Variants in SLC35D4 observed in about 807,000 individuals in gnomAD.
SLC35D4 encodes solute carrier family 35 member D4, also known as UDP-N-acetylglucosamine transporter SLC35D4.
chr18:23,301,408 A>T, the SLC35D4 span, among the ~76,000 whole-genome samples: 1 of 152,120 alleles, frequency 6.6e-6, no homozygotes, highest in Non-Finnish European at 1.5e-5. Flanking sequence ...CCCTAAATTC[A>T]TTCTTTCTAT....
the SLC35D4 span, among the ~76,000 whole-genome samples, chr18:23,345,841 AG>A: frequency 6.6e-6 from 1 of 152,176 alleles, no homozygotes; most frequent in Non-Finnish European, 1.5e-5. Context: ...CCTCTCAAAA[AG>A]GTTTTATAGT....
At chr18:23,348,183 AT>A in the SLC35D4 span, among the ~76,000 whole-genome samples, 1 of 152,304 alleles carries the variant, frequency 6.6e-6, no homozygotes, top group East Asian at 1.9e-4. Flanking sequence ...TAATTCTGCT[AT>A]GGTCAGAGAA....
At chr18:23,357,223 T>G in the SLC35D4 span, among the ~76,000 whole-genome samples, 8 of 152,202 alleles carry the variant, frequency 5.3e-5, no homozygotes, top group Middle Eastern at 3.2e-3. Context: ...TTATGTTTAA[T>G]GACTGCAAGA....
chr18:23,432,384 T>C, the SLC35D4 span, among the ~76,000 whole-genome samples: 2 of 152,046 alleles, frequency 1.3e-5, no homozygotes, highest in African/African-American at 2.4e-5. Context: ...ATGAGGTTCT[T>C]GAGGAAAGAG....
the SLC35D4 span, chr18:23,254,012 A>T: frequency 8.0e-7 from 1 of 1,248,364 alleles, no homozygotes; most frequent in Non-Finnish European, 1.2e-6. Flanking sequence ...GGATTCGGTC[A>T]GTGACCCTGC....
chr18:23,369,307 C>A, the SLC35D4 span, among the ~76,000 whole-genome samples: 1 of 152,220 alleles, frequency 6.6e-6, no homozygotes, highest in African/African-American at 2.4e-5. Flanking sequence ...TCCCTTCAGA[C>A]CTTTTCTCTT....
chr18:23,310,906 T>C, the SLC35D4 span, among the ~76,000 whole-genome samples: 1 of 152,016 alleles, frequency 6.6e-6, no homozygotes, highest in African/African-American at 2.4e-5. Flanking sequence ...AAAACCTTGA[T>C]TACAAAAAAA....
At chr18:23,401,437 C>T in the SLC35D4 span, among the ~76,000 whole-genome samples, 3 of 152,198 alleles carry the variant, frequency 2.0e-5, no homozygotes, top group Admixed American at 6.5e-5. Flanking sequence ...TAGATGTCAG[C>T]ACCCCCAACC....
the SLC35D4 span, among the ~76,000 whole-genome samples, chr18:23,268,686 A>T: frequency 6.6e-6 from 1 of 152,140 alleles, no homozygotes; most frequent in African/African-American, 2.4e-5. Flanking sequence ...CTAGGATGGG[A>T]CTAGACGTTC....
chr18:23,265,925 T>C, the SLC35D4 span, among the ~76,000 whole-genome samples: 1 of 152,192 alleles, frequency 6.6e-6, no homozygotes, highest in Middle Eastern at 3.2e-3. Flanking sequence ...CTAAGCCAGA[T>C]ACCATGTTCC....
the SLC35D4 span, among the ~76,000 whole-genome samples, chr18:23,327,432 A>G: frequency 1.3e-5 from 2 of 152,236 alleles, no homozygotes; most frequent in Non-Finnish European, 2.9e-5. Context: ...CTCTACGCAA[A>G]TAAACTAGAA....
chr18:23,288,244 C>T, the SLC35D4 span, among the ~76,000 whole-genome samples: 5 of 152,170 alleles, frequency 3.3e-5, no homozygotes, highest in African/African-American at 9.7e-5. Flanking sequence ...CCTGGTTTAT[C>T]GATGGCAGTT....
chr18:23,244,574 G>A, the SLC35D4 span, among the ~76,000 whole-genome samples: 2 of 152,216 alleles, frequency 1.3e-5, no homozygotes, highest in African/African-American at 2.4e-5. Flanking sequence ...GAGGGCCACC[G>A]TTGCTTAATT....
chr18:23,239,353 G>A, the SLC35D4 span, among the ~76,000 whole-genome samples: 3 of 152,218 alleles, frequency 2.0e-5, no homozygotes, highest in Non-Finnish European at 1.5e-5. Context: ...TTTCCTGGTC[G>A]GCTCCTGGAG....
chr18:23,361,267 A>G, the SLC35D4 span, among the ~76,000 whole-genome samples: 1 of 152,190 alleles, frequency 6.6e-6, no homozygotes, highest in Non-Finnish European at 1.5e-5. Context: ...TAACTGGAGC[A>G]GCAGGGAACC....
the SLC35D4 span, among the ~76,000 whole-genome samples, chr18:23,429,092 T>C: frequency 5.3e-5 from 8 of 152,252 alleles, no homozygotes; most frequent in Admixed American, 3.9e-4. Context: ...CAATCCACTG[T>C]TGATGGGCAC....
At chr18:23,431,773 G>T in the SLC35D4 span, among the ~76,000 whole-genome samples, 1 of 152,088 alleles carries the variant, frequency 6.6e-6, no homozygotes, top group Non-Finnish European at 1.5e-5. Flanking sequence ...CTTTATGAGT[G>T]AAGGAATTGT....
At chr18:23,281,011 A>C in the SLC35D4 span, among the ~76,000 whole-genome samples, 1 of 152,154 alleles carries the variant, frequency 6.6e-6, no homozygotes, top group African/African-American at 2.4e-5. Context: ...CCACTTAAAA[A>C]CCTCAGCCTA....
At chr18:23,317,598 G>C in the SLC35D4 span, among the ~76,000 whole-genome samples, 1 of 152,118 alleles carries the variant, frequency 6.6e-6, no homozygotes, top group African/African-American at 2.4e-5. Context: ...CTTAATAAAT[G>C]ATTACAGAGT....
Sources: allele counts gnomAD v4.1 joint callset (sites outside exome capture counted in the v4.1 genomes callset), GRCh38; gene constraint gnomAD v4.1.1; transcripts MANE v1.5; gene names NCBI Gene and HGNC (gene_info 2026-07-23, HGNC 2026-07-21).